CSMD1: variants seen among roughly 807,000 people sequenced by gnomAD.
The protein encoded by CSMD1 is CUB and Sushi multiple domains 1, also known as CUB and sushi domain-containing protein 1.
CSMD1 carries 213 observed loss-of-function variants against 417.5 expected under a neutral mutation model. That is an observed-to-expected ratio of 0.51 (90% CI 0.46 to 0.57). CSMD1 has a LOEUF of 0.57. Among genes scored for constraint, CSMD1 ranks in the 20% least tolerant of loss-of-function variants. CSMD1 has a pLI of 0.00. For missense variants in CSMD1, 6,923 were observed against 4,529.7 expected (o/e 1.53, Z -15.17); for synonymous variants, 2,862 against 1,736.8 (o/e 1.65, Z -16.11).
At chr8:3,003,741 G>A (rs1807631481) in intron 52 of CSMD1, among the ~76,000 whole-genome samples, 1 of 152,252 alleles carries the variant, frequency 6.6e-6, no homozygotes. Flanking sequence ...CGAGTGGAAG[G>A]AACACTCAGC....
intron 51 of CSMD1, among the ~76,000 whole-genome samples, chr8:3,027,490 A>C (rs962656460): frequency 6.6e-6 from 1 of 152,224 alleles, no homozygotes; most frequent in African/African-American, 2.4e-5. Context: ...TGAGCTACAG[A>C]TATTAATAAA....
intron 10 of CSMD1, among the ~76,000 whole-genome samples, chr8:3,547,636 G>C (rs144383221): frequency 1.3e-5 from 2 of 152,026 alleles, no homozygotes; most frequent in African/African-American, 2.4e-5. Context: ...TGTTAATAAA[G>C]TGGGTTTGTA....
chr8:4,885,728 A>G (rs1370768226), intron 1 of CSMD1, among the ~76,000 whole-genome samples: 2 of 151,466 alleles, frequency 1.3e-5, no homozygotes, highest in Non-Finnish European at 2.9e-5. Flanking sequence ...ATGTATTATA[A>G]TATATAGTAA....
chr8:3,948,021 C>T (rs1811354227), intron 5 of CSMD1, among the ~76,000 whole-genome samples: 1 of 152,174 alleles, frequency 6.6e-6, no homozygotes, highest in African/African-American at 2.4e-5. Context: ...GCCTGGCCAA[C>T]ATGGTAAAAC....
At chr8:4,017,335 C>T (rs1796571837) in intron 4 of CSMD1, among the ~76,000 whole-genome samples, 3 of 152,038 alleles carry the variant, frequency 2.0e-5, no homozygotes, top group Non-Finnish European at 4.4e-5. Context: ...GACAAAGTTT[C>T]GCTCTTGTTG....
intron 3 of CSMD1, among the ~76,000 whole-genome samples, chr8:4,157,830 T>A (rs1176392579): frequency 6.6e-6 from 1 of 152,068 alleles, no homozygotes; most frequent in Non-Finnish European, 1.5e-5. Flanking sequence ...CAGTCTCCTA[T>A]CCTCCCCACA....
At chr8:3,536,714 C>T (rs1798215617) in intron 10 of CSMD1, among the ~76,000 whole-genome samples, 1 of 152,154 alleles carries the variant, frequency 6.6e-6, no homozygotes, top group Non-Finnish European at 1.5e-5. Context: ...CAGCCTCCCT[C>T]CTCCGGTCTT....
intron 5 of CSMD1, among the ~76,000 whole-genome samples, chr8:3,833,237 A>G (rs774814109): frequency 2.6e-4 from 40 of 152,244 alleles, no homozygotes; most frequent in Middle Eastern, 6.8e-3. Flanking sequence ...AATTCTAACC[A>G]TATTACACAT....
At chr8:3,673,411 C>G (rs893140608) in intron 7 of CSMD1, among the ~76,000 whole-genome samples, 1 of 152,188 alleles carries the variant, frequency 6.6e-6, no homozygotes, top group Non-Finnish European at 1.5e-5. Context: ...TATTTGAAGA[C>G]GTAGCATCAA....
chr8:3,943,506 T>G (rs1481864678), intron 5 of CSMD1, among the ~76,000 whole-genome samples: 2 of 150,318 alleles, frequency 1.3e-5, no homozygotes, highest in South Asian at 2.1e-4. Context: ...AACAGAAGTA[T>G]TATTGAAAAT....
intron 37 of CSMD1, among the ~76,000 whole-genome samples, chr8:3,175,449 C>CCCTTCCTTCTTT (rs1319056611): frequency 1.4e-5 from 2 of 138,542 alleles, no homozygotes; most frequent in Non-Finnish European, 3.2e-5. Context: ...TTCCCTCCCT[C>CCCTTCCTTCTTT]CCTTCCTTCT....
chr8:4,803,351 G>A (rs1288128325), intron 1 of CSMD1, among the ~76,000 whole-genome samples: 2 of 152,064 alleles, frequency 1.3e-5, no homozygotes, highest in South Asian at 4.1e-4. Context: ...ATATAAAAAG[G>A]GTTTCAGTTA....
chr8:3,710,605 G>T (rs1801451456), intron 6 of CSMD1, among the ~76,000 whole-genome samples: 3 of 152,030 alleles, frequency 2.0e-5, no homozygotes, highest in Admixed American at 2.0e-4. Flanking sequence ...TCCTGTGCTT[G>T]GCCCCTGTGT....
At chr8:4,871,968 C>T (rs1042425215) in intron 1 of CSMD1, among the ~76,000 whole-genome samples, 13 of 152,080 alleles carry the variant, frequency 8.5e-5, no homozygotes, top group African/African-American at 2.7e-4. Context: ...GCATAGGTGA[C>T]AGCAGCACGG....
chr8:4,053,367 C>G (rs1335660899), intron 3 of CSMD1, among the ~76,000 whole-genome samples: 1 of 151,848 alleles, frequency 6.6e-6, no homozygotes, highest in African/African-American at 2.4e-5. Flanking sequence ...TCTAAATTCT[C>G]TACAGACAGT....
intron 1 of CSMD1, among the ~76,000 whole-genome samples, chr8:4,659,266 G>A (rs927456358): frequency 2.6e-5 from 2 of 75,850 alleles, no homozygotes; most frequent in African/African-American, 2.7e-4. Context: ...TAAAAAAGAA[G>A]AAAAGATCAA....
In CSMD1 at chr8:4,146,655, A is replaced by T. The variant is rs999584501; in HGVS notation, c.416-114556T>A. Among the ~76,000 whole-genome samples, 6 of 108,480 alleles carry T rather than the reference A, an allele frequency of 5.5e-5. No homozygotes were observed. The Admixed American group carries it at 5.7e-4, about 10-fold the overall frequency. 71.2% of individuals were successfully genotyped at this position (108,480 alleles called of 152,430 possible). On this transcript the variant is annotated intron_variant, in intron 3 of 69. Transcript: ENST00000635120. ...GAGACAGAGTCTCGATCCGTCCCCCAGGCTGGAGCGCAGTGGTGTGATCTG... is the reference window on the plus strand; with the variant it reads ...GAGACAGAGTCTCGATCCGTCCCCCTGGCTGGAGCGCAGTGGTGTGATCTG...
At chr8:3,834,726 C>G (rs190762772) in intron 5 of CSMD1, among the ~76,000 whole-genome samples, 22 of 151,862 alleles carry the variant, frequency 1.4e-4, no homozygotes, top group Non-Finnish European at 2.9e-4. Context: ...GAAATTTGGA[C>G]GGCTCCATTC....
chr8:3,683,118 G>A (rs1031610517), intron 7 of CSMD1, among the ~76,000 whole-genome samples: 23 of 151,922 alleles, frequency 1.5e-4, no homozygotes, highest in Non-Finnish European at 2.8e-4. Context: ...AATGGGTGCA[G>A]CACACCAACA....
Sources: allele counts gnomAD v4.1 joint callset (sites outside exome capture counted in the v4.1 genomes callset), GRCh38; gene constraint gnomAD v4.1.1; transcripts MANE v1.5; gene names NCBI Gene and HGNC (gene_info 2026-07-23, HGNC 2026-07-21).